Variants in WDR33 observed in about 807,000 individuals in gnomAD.
WDR33 encodes pre-mRNA 3' end processing protein WDR33.
A neutral mutation model predicts 164.9 loss-of-function variants in WDR33; 47 were observed. The ratio of observed to expected loss-of-function variants is 0.29; its 90% CI spans 0.23 to 0.36. The LOEUF is 0.36. Among genes scored for constraint, WDR33 ranks in the 10% least tolerant of loss-of-function variants. WDR33 has a pLI of 1.00. For missense variants in WDR33, 1,137 were observed against 1,754.1 expected (o/e 0.65, Z 6.28); for synonymous variants, 505 against 589.0 (o/e 0.86, Z 2.06).
rs754454193 is a variant in WDR33, at chr2:127,711,751, G to GATATATATATATAT, written c.3308+1818_3308+1831dup. Among the ~76,000 whole-genome samples the GATATATATATATAT allele has an allele frequency of 8.7e-4, 62 of 71,538 alleles. 1 individual carries two copies. Among genetic ancestry groups the GATATATATATATAT allele is most frequent in the African/African-American group, 1.1e-3 (11 of 10,104 alleles). The allele number at this position is 71,538 out of a possible 152,430, so 46.9% of individuals were successfully genotyped here. A position where few individuals can be genotyped will look rare whatever the true frequency, so the allele number is the denominator to read the frequency against. The stretch of plus-strand genomic sequence containing the variant: ...CAACCCTAACTCAACCACATATACA[G>GATATATATATATAT]ATATATATATATATATATATATATA... On this transcript the variant is annotated intron_variant, in intron 18 of 21. Transcript: ENST00000322313.
chr2:127,728,666 T>C (rs528066518), intron 7 of WDR33, among the ~76,000 whole-genome samples: 1 of 152,300 alleles, frequency 6.6e-6, no homozygotes, highest in Admixed American at 6.5e-5. Context: ...TAATTAACTA[T>C]TTGCCCCTGA....
chr2:127,766,672 G>A (rs1687830652), intron 4 of WDR33, among the ~76,000 whole-genome samples: 1 of 151,708 alleles, frequency 6.6e-6, no homozygotes, highest in Non-Finnish European at 1.5e-5. Flanking sequence ...ATGCTAAGAG[G>A]ATATTAAAAT....
Position 127,770,954 on chromosome 2 carries a change from G to C in WDR33, c.28C>G (p.Arg10Gly). 6.2e-7 allele frequency: 1 copy of C among 1,614,004 alleles called. No homozygotes were observed. Among genetic ancestry groups the C allele is most frequent in the Non-Finnish European group, 8.5e-7 (1 of 1,179,930 alleles). The change falls in exon 2 of 22, where the codon CGT becomes GGT. Residue 10 changes from arginine to glycine, a missense_variant. Physicochemically the swap from Arg to Gly is moderately radical, Grantham distance 125 (BLOSUM62 -2). Coordinates refer to ENST00000322313, the MANE Select transcript of WDR33 (RefSeq NM_018383.5). This position sits in a 1 kb window ranked among gnomAD's most constrained non-coding sequence, Gnocchi z 4.9. Reference protein sequence around the residue: MATEIGSPPRFFHMPRFQHQ... With the variant: MATEIGSPPGFFHMPRFQHQ... ...TGGAACCTTGGCATATGGAAAAAACGAGGAGGAGAACCAATTTCTGTAGCC... is the reference window on the plus strand; with the variant it reads ...TGGAACCTTGGCATATGGAAAAAACCAGGAGGAGAACCAATTTCTGTAGCC...
rs1401978478 is a variant in WDR33 at position 127,723,651 on chromosome 2, C to T, written c.1197-304G>A. ...TGGCACACACCTGTAGTCTCAGCTA[C>T]TCACGAGGATAAGGCGGGAAGATGG... On this transcript the variant is annotated intron_variant, in intron 11 of 21. Coordinates refer to ENST00000322313, the MANE Select transcript of WDR33 (RefSeq NM_018383.5). The surrounding 1 kb of genome is among the most constrained non-coding windows in gnomAD (Gnocchi z 5.9). 1.3e-5 allele frequency among the ~76,000 whole-genome samples: 2 copies of T among 151,602 alleles called. No homozygotes were observed. Among genetic ancestry groups the T allele is most frequent in the Non-Finnish European group, 2.9e-5 (2 of 67,992 alleles).
In WDR33 at chr2:127,770,377, A is replaced by G. The variant is rs1340071983; in HGVS notation, c.204+401T>C. 1.3e-5 allele frequency among the ~76,000 whole-genome samples: 2 copies of G among 152,144 alleles called. No homozygotes were observed. Among genetic ancestry groups the G allele is most frequent in the East Asian group, 3.9e-4 (2 of 5,194 alleles). The stretch of plus-strand genomic sequence containing the variant: ...CAGGTATACATACTTACTACACTAC[A>G]TCTAGAAAATCATCTTCTTTTAAAT... On this transcript the variant is annotated intron_variant, in intron 2 of 21. Coordinates refer to ENST00000322313, the MANE Select transcript of WDR33 (RefSeq NM_018383.5). This position sits in a 1 kb window ranked among gnomAD's most constrained non-coding sequence, Gnocchi z 4.9.
chr2:127,742,310 T>C (rs992796469), intron 7 of WDR33, among the ~76,000 whole-genome samples: 7 of 151,990 alleles, frequency 4.6e-5, no homozygotes, highest in African/African-American at 1.7e-4. Context: ...TGTGGATTGC[T>C]TGAGCTCAGG....
chr2:127,778,754 A>G (rs765483539), intron 1 of WDR33, among the ~76,000 whole-genome samples: 1 of 152,024 alleles, frequency 6.6e-6, no homozygotes, highest in Non-Finnish European at 1.5e-5. Context: ...GACACTTGAG[A>G]AAAAAAAGTA....
chr2:127,753,986 T>C (rs1687445837), intron 7 of WDR33, among the ~76,000 whole-genome samples: 1 of 152,226 alleles, frequency 6.6e-6, no homozygotes, highest in Non-Finnish European at 1.5e-5. Context: ...TTCCATTTCT[T>C]ATCTAGAGGT....
chr2:127,809,291 G>C (rs1351382252), intron 1 of WDR33, among the ~76,000 whole-genome samples: 1 of 151,900 alleles, frequency 6.6e-6, no homozygotes, highest in Non-Finnish European at 1.5e-5. Flanking sequence ...AAAGCCTTAC[G>C]TCAATATAAA....
chr2:127,721,606 CTG>C lies in WDR33; in HGVS notation c.1671+228_1671+229del, dbSNP rs1686440018. Among the ~76,000 whole-genome samples the C allele has an allele frequency of 6.6e-6, 1 of 152,176 alleles. No homozygotes were observed. The highest frequency in any genetic ancestry group is 2.4e-5 in the African/African-American group (1 of 41,442). On this transcript the variant is annotated intron_variant, in intron 15 of 21. Coordinates refer to ENST00000322313, the MANE Select transcript of WDR33 (RefSeq NM_018383.5). This position sits in a 1 kb window ranked among gnomAD's most constrained non-coding sequence, Gnocchi z 4.9. ...CCAGCCTGGGTGACAGGGCATGACT[CTG>C]TCTCTAAAATAAAATAAATAAAACA...
chr2:127,722,791 T>C lies in WDR33; in HGVS notation c.1379-61A>G. On this transcript the variant is annotated intron_variant, in intron 13 of 21. Coordinates refer to ENST00000322313, the MANE Select transcript of WDR33 (RefSeq NM_018383.5). This position sits in a 1 kb window ranked among gnomAD's most constrained non-coding sequence, Gnocchi z 5.1. ...TAAAAGAAATTGGCCACTTGATCAA[T>C]GAACACATTATTGGAAGAATAGATT... 1 of 1,558,054 alleles carries C rather than the reference T, an allele frequency of 6.4e-7. No homozygotes were observed. The highest frequency in any genetic ancestry group is 2.2e-5 in the East Asian group (1 of 44,470).
rs193103769 is a variant in WDR33, at chr2:127,731,938, A to C, written c.725-5161T>G. On this transcript the variant is annotated intron_variant, in intron 7 of 21. Coordinates refer to ENST00000322313, the MANE Select transcript of WDR33 (RefSeq NM_018383.5). Reference sequence around the variant, plus strand: ...CTGTCTCTAGAAGAAAAACTTAAAAATTAGCCAAATATGGTGGTGCACACC... The same window carrying C: ...CTGTCTCTAGAAGAAAAACTTAAAACTTAGCCAAATATGGTGGTGCACACC... 2.6e-4 allele frequency among the ~76,000 whole-genome samples: 40 copies of C among 152,256 alleles called. No individual in the cohort carries two copies. The East Asian group carries it at 7.2e-3, about 27-fold the overall frequency.
rs887230070 is a variant in WDR33, at chr2:127,705,615, T to C, written c.*708A>G. The C allele has an allele frequency of 3.3e-5, 5 of 152,348 alleles. No individual in the cohort carries two copies. The highest frequency in any genetic ancestry group is 1.2e-4 in the African/African-American group (5 of 41,592). 9.4% of individuals were successfully genotyped at this position (152,348 alleles called of 1,614,324 possible). A position where few individuals can be genotyped will look rare whatever the true frequency, so the allele number is the denominator to read the frequency against. On this transcript the variant is annotated 3_prime_UTR_variant, in exon 22 of 22. Transcript: ENST00000322313. The surrounding 1 kb of genome is among the most constrained non-coding windows in gnomAD (Gnocchi z 4.5). ...GAGATGCTTCCAAGGGGAAGCTCCC[T>C]CGTTGGACATCCAGAAGATTGCATT...
chr2:127,776,545 C>CA (rs1007661592), intron 1 of WDR33, among the ~76,000 whole-genome samples: 2 of 151,992 alleles, frequency 1.3e-5, no homozygotes, highest in African/African-American at 2.4e-5. Flanking sequence ...CCTGTTTCTA[C>CA]AAAAAACACA....
At chr2:127,730,861 A>G (rs1686684611) in intron 7 of WDR33, among the ~76,000 whole-genome samples, 1 of 152,038 alleles carries the variant, frequency 6.6e-6, no homozygotes, top group South Asian at 2.1e-4. Flanking sequence ...AGAATAAACA[A>G]CATGGATTAT....
rs1010191388 is a variant in WDR33 at position 127,735,692 on chromosome 2, G to A, written c.725-8915C>T. 2.0e-6 allele frequency: 2 copies of A among 985,544 alleles called. No homozygotes were observed. Among genetic ancestry groups the A allele is most frequent in the South Asian group, 9.4e-5 (2 of 21,292 alleles). 61.0% of individuals were successfully genotyped at this position (985,544 alleles called of 1,614,324 possible). On this transcript the variant is annotated intron_variant, in intron 7 of 21. Coordinates refer to ENST00000322313, the MANE Select transcript of WDR33 (RefSeq NM_018383.5). The surrounding 1 kb of genome is among the most constrained non-coding windows in gnomAD (Gnocchi z 4.3). ...TCAGTTTAAGACAAAGGGTATATGAGTACCCATGGCCCATAGCCAGATACT... is the reference window on the plus strand; with the variant it reads ...TCAGTTTAAGACAAAGGGTATATGAATACCCATGGCCCATAGCCAGATACT...
At chr2:127,762,694 A>C (rs557060910) in intron 7 of WDR33, 1 of 1,020,722 alleles carries the variant, frequency 9.8e-7, no homozygotes, top group African/African-American at 1.7e-5. Context: ...ATATTGTAAA[A>C]GGACTGCCAG....
chr2:127,775,837 C>T (rs1464108413), intron 1 of WDR33, among the ~76,000 whole-genome samples: 7 of 151,244 alleles, frequency 4.6e-5, no homozygotes, highest in Admixed American at 4.0e-4. Context: ...AATGGTGTTT[C>T]AGAAATAAAG....
chr2:127,727,240 C>T (rs369629841), intron 7 of WDR33, among the ~76,000 whole-genome samples: 13 of 152,288 alleles, frequency 8.5e-5, no homozygotes, highest in African/African-American at 3.1e-4. Context: ...TAGGACACCA[C>T]TTTCTAGATG....
Sources: allele counts gnomAD v4.1 joint callset (sites outside exome capture counted in the v4.1 genomes callset), GRCh38; gene constraint gnomAD v4.1.1; non-coding constraint Gnocchi (gnomAD v3.1); transcripts MANE v1.5; gene names NCBI Gene and HGNC (gene_info 2026-07-23, HGNC 2026-07-21).